ADGRB3: variants seen among roughly 807,000 people sequenced by gnomAD.
ADGRB3 encodes adhesion G protein-coupled receptor B3.
ADGRB3 carries 37 observed loss-of-function variants against 193.4 expected under a neutral mutation model. That is an observed-to-expected ratio of 0.19 (90% CI 0.15 to 0.25). ADGRB3 has a LOEUF of 0.25. Among genes scored for constraint, ADGRB3 ranks in the 10% least tolerant of loss-of-function variants. The pLI is 1.00. For synonymous variants in ADGRB3, 690 were observed against 644.2 expected, an observed-to-expected ratio of 1.07 and a Z score of -1.08; for missense variants, 1,637 against 1,852.9, an observed-to-expected ratio of 0.88 and a Z score of 2.14.
chr6:69,311,113 A>G (rs1285587946), intron 20 of ADGRB3, among the ~76,000 whole-genome samples: 3 of 151,772 alleles, frequency 2.0e-5, no homozygotes, highest in Admixed American at 2.0e-4. Context: ...GGGATTTGCT[A>G]CAATGTGATT....
chr6:69,368,549 T>G (rs912756915), intron 29 of ADGRB3, among the ~76,000 whole-genome samples: 3 of 151,946 alleles, frequency 2.0e-5, no homozygotes, highest in Non-Finnish European at 2.9e-5. Context: ...GTTTGGAACT[T>G]AAAAGATGGT....
chr6:69,361,168 C>A lies in ADGRB3; in HGVS notation c.3895C>A (p.Pro1299Thr), dbSNP rs779451522. The A allele has an allele frequency of 6.2e-7, 1 of 1,612,710 alleles. No homozygotes were observed. Among genetic ancestry groups the A allele is most frequent in the Non-Finnish European group, 8.5e-7 (1 of 1,179,268 alleles). ...AGGGGCTGACATGGACATAGTCCAT[C>A]CTCAAGAAAGAATGATGGAAAGTGA... ...LRGADMDIVH[P>T]QERMMESDYI... is the part of the protein sequence containing the mutation. The change falls in exon 29 of 32, where the codon CCT (proline) becomes ACT (threonine). Residue 1299 changes from proline (P) to threonine (T), a missense_variant. By Grantham distance (38) the Pro-to-Thr change is conservative. This residue lies in a region of ADGRB3 where 368 missense variants were observed against 367.4 expected (regional missense o/e 1.00). Transcript: ENST00000370598.
chr6:68,831,728 A>C (rs1438885056), intron 3 of ADGRB3, among the ~76,000 whole-genome samples: 1 of 149,660 alleles, frequency 6.7e-6, no homozygotes, highest in Non-Finnish European at 1.5e-5. Context: ...AAATAGTCAA[A>C]AGGATTAGAT....
At chr6:68,791,003 C>T (rs1045936828) in intron 3 of ADGRB3, among the ~76,000 whole-genome samples, 13 of 148,324 alleles carry the variant, frequency 8.8e-5, no homozygotes, top group Non-Finnish European at 1.5e-4. Flanking sequence ...CGCTTGAGGC[C>T]GGGAGTTTGA....
intron 3 of ADGRB3, among the ~76,000 whole-genome samples, chr6:68,903,431 A>G (rs999102104): frequency 4.6e-5 from 7 of 152,182 alleles, no homozygotes; most frequent in African/African-American, 1.7e-4. Context: ...CTTAACCAAC[A>G]CATATTTATT....
intron 13 of ADGRB3, among the ~76,000 whole-genome samples, chr6:69,022,696 A>C (rs1440535992): frequency 6.6e-6 from 1 of 152,004 alleles, no homozygotes; most frequent in Non-Finnish European, 1.5e-5. Flanking sequence ...CAAAGGATAA[A>C]TCTAAACTCA....
At chr6:69,244,602 G>GC (rs1475500602) in intron 20 of ADGRB3, among the ~76,000 whole-genome samples, 3 of 152,146 alleles carry the variant, frequency 2.0e-5, no homozygotes, top group South Asian at 2.1e-4. Flanking sequence ...GAAGCAGACT[G>GC]CCCCCTGCCC....
chr6:68,747,766 G>A (rs1375174422), intron 3 of ADGRB3, among the ~76,000 whole-genome samples: 2 of 152,126 alleles, frequency 1.3e-5, no homozygotes, highest in Non-Finnish European at 2.9e-5. Context: ...GGAACAAAAT[G>A]CCCACAGCCC....
chr6:68,885,393 C>A (rs1184277399), intron 3 of ADGRB3, among the ~76,000 whole-genome samples: 3 of 151,876 alleles, frequency 2.0e-5, no homozygotes, highest in South Asian at 2.1e-4. Context: ...TTATGGGGTA[C>A]AATGTGATGT....
intron 28 of ADGRB3, among the ~76,000 whole-genome samples, chr6:69,358,676 CTGATCA>C (rs1231792531): frequency 1.3e-5 from 2 of 151,830 alleles, no homozygotes. Context: ...GCATTTCCAT[CTGATCA>C]TGCCAAATAT....
chr6:68,680,161 T>A (rs773095202), intron 3 of ADGRB3, among the ~76,000 whole-genome samples: 6 of 152,124 alleles, frequency 3.9e-5, no homozygotes, highest in Admixed American at 1.3e-4. Context: ...AGAAATAAAT[T>A]TCTGTCATGA....
At chr6:68,965,575 G>A (rs1357358646) in intron 8 of ADGRB3, among the ~76,000 whole-genome samples, 2 of 152,008 alleles carry the variant, frequency 1.3e-5, no homozygotes, top group East Asian at 1.9e-4. Flanking sequence ...TATCATTTCT[G>A]CTCTTTTTAA....
chr6:68,887,949 C>T (rs940499530), intron 3 of ADGRB3, among the ~76,000 whole-genome samples: 13 of 152,184 alleles, frequency 8.5e-5, no homozygotes, highest in African/African-American at 2.9e-4. Context: ...TGATGGCTGA[C>T]AAGAGCTGAG....
chr6:68,790,181 G>T (rs1767071911), intron 3 of ADGRB3, among the ~76,000 whole-genome samples: 1 of 152,042 alleles, frequency 6.6e-6, no homozygotes, highest in Admixed American at 6.6e-5. Flanking sequence ...TATCACCAGG[G>T]TATCCTTGTT....
intron 17 of ADGRB3, among the ~76,000 whole-genome samples, chr6:69,101,869 C>A (rs1439152686): frequency 6.6e-6 from 1 of 152,070 alleles, no homozygotes; most frequent in Non-Finnish European, 1.5e-5. Flanking sequence ...TCTATTCTGG[C>A]ATGAATACTA....
chr6:69,164,242 C>A (rs1775075467), intron 17 of ADGRB3, among the ~76,000 whole-genome samples: 1 of 151,912 alleles, frequency 6.6e-6, no homozygotes, highest in Admixed American at 6.6e-5. Flanking sequence ...ATCTTTTTTC[C>A]CCCTACACCT....
At chr6:68,766,794 A>C (rs1043225897) in intron 3 of ADGRB3, among the ~76,000 whole-genome samples, 3 of 152,018 alleles carry the variant, frequency 2.0e-5, no homozygotes, top group Non-Finnish European at 4.4e-5. Flanking sequence ...TCTTTATAAA[A>C]AAGTTGCAGC....
chr6:69,049,065 G>A lies in ADGRB3; in HGVS notation c.2258-206G>A, dbSNP rs1310690213. Among the ~76,000 whole-genome samples the A allele has an allele frequency of 3.9e-5, 6 of 152,110 alleles. No homozygotes were observed. In the South Asian group the frequency reaches 1.2e-3, roughly 31 times the overall value. On this transcript the variant is annotated intron_variant, in intron 14 of 31. Coordinates refer to ENST00000370598, the MANE Select transcript of ADGRB3 (RefSeq NM_001704.3). ...AGCTTCTTGTCTCAACCTGGTAAAG[G>A]AAGTTTCCTTCGTGATGCAAAACTA...
intron 3 of ADGRB3, among the ~76,000 whole-genome samples, chr6:68,755,383 T>A (rs894501946): frequency 7.9e-5 from 12 of 152,050 alleles, no homozygotes; most frequent in Non-Finnish European, 1.3e-4. Context: ...CAGGAAGAAG[T>A]GCCTCTATTT....
Sources: allele counts gnomAD v4.1 joint callset (sites outside exome capture counted in the v4.1 genomes callset), GRCh38; gene constraint gnomAD v4.1.1; regional missense constraint gnomAD v4.1.1; transcripts MANE v1.5; gene names NCBI Gene and HGNC (gene_info 2026-07-23, HGNC 2026-07-21).